Variants in TENM3 observed in about 807,000 individuals in gnomAD.
TENM3 encodes teneurin transmembrane protein 3.
A neutral mutation model predicts 255.1 loss-of-function variants in TENM3; 63 were observed. That is an observed-to-expected ratio of 0.25 (90% CI 0.20 to 0.30). TENM3 has a LOEUF of 0.30. TENM3 is among the 10% of genes least tolerant of loss of function. The pLI, the probability that TENM3 is intolerant of heterozygous loss-of-function variation, is 1.00. For missense variants in TENM3, 2,929 were observed against 3,461.1 expected (o/e 0.85, Z 3.86); for synonymous variants, 1,306 against 1,322.3 (o/e 0.99, Z 0.27).
the TENM3 span, among the ~76,000 whole-genome samples, chr4:181,577,148 AATAT>A: frequency 7.4e-6 from 1 of 135,252 alleles, no homozygotes; most frequent in African/African-American, 2.8e-5. Flanking sequence ...ATATATAATT[AATAT>A]ATATATAAAT....
chr4:182,439,987 C>T (rs376594045), intron 3 of TENM3, among the ~76,000 whole-genome samples: 2 of 152,046 alleles, frequency 1.3e-5, no homozygotes, highest in Admixed American at 6.6e-5. Context: ...TGGTTGCTGT[C>T]TTCGTTTACT....
chr4:182,300,181 T>G (rs989613564), intron 1 of TENM3, among the ~76,000 whole-genome samples: 3 of 152,168 alleles, frequency 2.0e-5, no homozygotes, highest in African/African-American at 7.2e-5. Context: ...CCCAAAGTGC[T>G]TGGATTACAG....
At chr4:181,983,878 A>C in the TENM3 span, among the ~76,000 whole-genome samples, 1 of 152,176 alleles carries the variant, frequency 6.6e-6, no homozygotes, top group Non-Finnish European at 1.5e-5. Context: ...TATCTGTGCA[A>C]TAAAATAATG....
In TENM3 at chr4:182,401,474, C is replaced by T. The variant is rs767313118; in HGVS notation, c.511+54545C>T. Among the ~76,000 whole-genome samples, 13 of 152,200 alleles carry T rather than the reference C, an allele frequency of 8.5e-5. 1 individual carries two copies. Among genetic ancestry groups the T allele is most frequent in the Non-Finnish European group, 1.5e-5 (1 of 68,042 alleles). On this transcript the variant is annotated intron_variant, in intron 3 of 27. Coordinates refer to ENST00000511685, the MANE Select transcript of TENM3 (RefSeq NM_001080477.4). Reference sequence around the variant, plus strand: ...AAGCCAGAAGTCTCCTTGCTCATTTCGTCCTAAATGACTTTTGATATAAGG... The same window carrying T: ...AAGCCAGAAGTCTCCTTGCTCATTTTGTCCTAAATGACTTTTGATATAAGG...
chr4:181,850,006 C>T, the TENM3 span, among the ~76,000 whole-genome samples: 2 of 148,098 alleles, frequency 1.4e-5, no homozygotes, highest in Non-Finnish European at 3.0e-5. Context: ...CTCCAGCCCC[C>T]GACCTTGAAT....
chr4:181,605,554 GAA>G, the TENM3 span, among the ~76,000 whole-genome samples: 1,451 of 28,006 alleles, frequency 0.052, 218 homozygotes, highest in Admixed American at 0.091. Flanking sequence ...AAGAAAGAAA[GAA>G]AGAAAGAAAG....
the TENM3 span, among the ~76,000 whole-genome samples, chr4:181,989,947 G>A: frequency 6.6e-6 from 1 of 152,104 alleles, no homozygotes; most frequent in Non-Finnish European, 1.5e-5. Context: ...TGATGCACTT[G>A]CTGAAACCAG....
rs868554129 is a variant in TENM3 at position 182,232,885 on chromosome 4, C to T, written c.-76+88131C>T. Reference sequence around the variant, plus strand: ...AAAAGGAGGATTCACATTCCTGGCCCGATGGAGCAGGATAGCATGAGATTT... The same window carrying T: ...AAAAGGAGGATTCACATTCCTGGCCTGATGGAGCAGGATAGCATGAGATTT... On this transcript the variant is annotated intron_variant, in intron 1 of 2. Coordinates refer to the TENM3 transcript ENST00000512480. Among the ~76,000 whole-genome samples the T allele has an allele frequency of 6.6e-5, 10 of 152,156 alleles. No individual in the cohort carries two copies. The Middle Eastern group carries it at 0.01, about 155-fold the overall frequency.
chr4:182,277,485 T>C lies in TENM3; in HGVS notation c.-76+34009T>C, dbSNP rs534081040. On this transcript the variant is annotated intron_variant, in intron 1 of 27. Coordinates refer to ENST00000511685, the MANE Select transcript of TENM3 (RefSeq NM_001080477.4). The stretch of plus-strand genomic sequence containing the variant: ...ATACACTACATTTTGGGCTGTGGGT[T>C]GCTCAAAGGTAGATGGAATAATAAG... Among the ~76,000 whole-genome samples, 22 of 152,302 alleles carry C rather than the reference T, an allele frequency of 1.4e-4. No homozygotes were observed. The East Asian group carries it at 4.0e-3, about 28-fold the overall frequency.
chr4:182,421,935 C>T (rs1053034896), intron 3 of TENM3, among the ~76,000 whole-genome samples: 1 of 152,116 alleles, frequency 6.6e-6, no homozygotes, highest in Non-Finnish European at 1.5e-5. Flanking sequence ...GGTCAAGTCC[C>T]GGGGCCAGCT....
At chr4:182,347,094 G>A (rs571550637) in intron 3 of TENM3, among the ~76,000 whole-genome samples, 165 bp downstream of exon 3, 3 of 151,290 alleles carry the variant, frequency 2.0e-5, no homozygotes, top group African/African-American at 4.9e-5. Flanking sequence ...CTCAAGAAAT[G>A]TCCTTGAATA....
At chr4:181,825,105 A>G in the TENM3 span, among the ~76,000 whole-genome samples, 2 of 152,194 alleles carry the variant, frequency 1.3e-5, no homozygotes, top group Admixed American at 1.3e-4. Flanking sequence ...ACTAAAAACT[A>G]TTTTTAAAAG....
intron 1 of TENM3, among the ~76,000 whole-genome samples, chr4:182,271,877 T>G (rs1715330363): frequency 6.6e-6 from 1 of 152,194 alleles, no homozygotes; most frequent in Admixed American, 6.5e-5. Flanking sequence ...CTTCTTATTG[T>G]TAATTTTTTC....
chr4:181,574,747 A>T, the TENM3 span, among the ~76,000 whole-genome samples: 2 of 152,224 alleles, frequency 1.3e-5, no homozygotes, highest in Middle Eastern at 3.2e-3. Context: ...TAGAAGCCGT[A>T]GGAACTTAGA....
rs192687761 is a variant in TENM3 at position 182,400,227 on chromosome 4, A to G, written c.511+53298A>G. 4.6e-5 allele frequency among the ~76,000 whole-genome samples: 7 copies of G among 152,262 alleles called. No individual in the cohort carries two copies. The East Asian group carries it at 1.2e-3, about 25-fold the overall frequency. The stretch of plus-strand genomic sequence containing the variant: ...CAGAACACACGTACAATTTTCAGCA[A>G]TAATATATATTTTTCCTTTTCTTTG... On this transcript the variant is annotated intron_variant, in intron 3 of 27. Transcript: ENST00000511685.
At chr4:181,535,488 C>T in the TENM3 span, among the ~76,000 whole-genome samples, 1 of 152,194 alleles carries the variant, frequency 6.6e-6, no homozygotes, top group African/African-American at 2.4e-5. Context: ...CCTACAGTCT[C>T]TCCTTAATAA....
chr4:182,516,505 A>G (rs976535732), intron 3 of TENM3, among the ~76,000 whole-genome samples: 4 of 152,150 alleles, frequency 2.6e-5, no homozygotes, highest in African/African-American at 9.7e-5. Context: ...ACTTTTTATT[A>G]GGGTTCTTTT....
the TENM3 span, among the ~76,000 whole-genome samples, chr4:181,705,013 G>A: frequency 0.038 from 5,675 of 149,380 alleles, 333 homozygotes; most frequent in African/African-American, 0.13. Flanking sequence ...TCCAGCCTGG[G>A]TGACAGAGTG....
chr4:181,586,935 T>C, the TENM3 span, among the ~76,000 whole-genome samples: 1 of 152,154 alleles, frequency 6.6e-6, no homozygotes, highest in African/African-American at 2.4e-5. Context: ...ACAAAGAATA[T>C]TATGTTAGGC....
Sources: allele counts gnomAD v4.1 joint callset (sites outside exome capture counted in the v4.1 genomes callset), GRCh38; gene constraint gnomAD v4.1.1; transcripts MANE v1.5; gene names NCBI Gene and HGNC (gene_info 2026-07-23, HGNC 2026-07-21).